Variants in TGIF1 observed in about 807,000 individuals in gnomAD.
TGIF1 encodes homeobox protein TGIF1.
In TGIF1, 4 loss-of-function variants were observed where a neutral mutation model predicts 19.3. The ratio of observed to expected loss-of-function variants is 0.21; its 90% CI spans 0.10 to 0.47. The LOEUF (loss-of-function observed/expected upper bound fraction) is 0.47. TGIF1 is among the 20% of genes least tolerant of loss of function. The probability of loss-of-function intolerance (pLI) is 0.98; values close to 1 mark genes in which losing one functional copy is unlikely to be tolerated. For synonymous variants in TGIF1, 122 were observed against 129.3 expected (o/e 0.94, Z 0.38); for missense variants, 275 against 341.4 (o/e 0.81, Z 1.53).
chr18:3,432,601 C>G (rs943797176), intron 2 of TGIF1, among the ~76,000 whole-genome samples: 5 of 152,110 alleles, frequency 3.3e-5, no homozygotes, highest in African/African-American at 1.2e-4. Context: ...AGTTTACTCT[C>G]AAATGATTCA....
At chr18:3,438,424 C>CA (rs2082640847) in intron 2 of TGIF1, among the ~76,000 whole-genome samples, 1 of 151,942 alleles carries the variant, frequency 6.6e-6, no homozygotes, top group Admixed American at 6.6e-5. Context: ...AATTCTCCTA[C>CA]TTTTTTCAAA....
At chr18:3,449,822 CT>C, upstream of TGIF1, 1 of 985,614 alleles carries the variant, frequency 1.0e-6, no homozygotes, top group East Asian at 1.1e-4. Flanking sequence ...GGGAGGTGTC[CT>C]TTTTTCCATC....
rs567121331 is a variant in TGIF1, at chr18:3,430,567, A to G, written c.-45+12352A>G. Among the ~76,000 whole-genome samples the G allele has an allele frequency of 1.8e-3, 269 of 151,972 alleles. 2 individuals are homozygous for G. Among genetic ancestry groups the G allele is most frequent in the Non-Finnish European group, 2.3e-3 (153 of 67,990 alleles). ...ACCCAGGCTGGGGTGCAGTGGTGTG[A>G]TATTAGTTCACTGCAGCCTCCACCT... is the stretch of plus-strand genomic sequence containing the variant. On this transcript the variant is annotated intron_variant, in intron 2 of 3. Transcript: ENST00000401449.
At chr18:3,432,123 C>CAAAA (rs751364681) in intron 2 of TGIF1, among the ~76,000 whole-genome samples, 15 of 97,982 alleles carry the variant, frequency 1.5e-4, no homozygotes, top group African/African-American at 4.5e-4. Flanking sequence ...ACAAAACTGT[C>CAAAA]AAAAAAAAAA....
intron 2 of TGIF1, among the ~76,000 whole-genome samples, chr18:3,440,278 G>T (rs1338456708): frequency 2.0e-5 from 3 of 151,730 alleles, no homozygotes; most frequent in Non-Finnish European, 4.4e-5. Flanking sequence ...TTGAACCTGG[G>T]AGGCAGAGGT....
At chr18:3,454,395 A>C (rs1376462236) in intron 1 of TGIF1, among the ~76,000 whole-genome samples, 3 of 152,142 alleles carry the variant, frequency 2.0e-5, no homozygotes, top group East Asian at 3.9e-4. Context: ...AAAAGGAAGG[A>C]GATAATAGCC....
At chr18:3,415,389 G>T (rs1419645073) in intron 1 of TGIF1, 2 of 471,342 alleles carry the variant, frequency 4.2e-6, no homozygotes, top group Non-Finnish European at 8.5e-6. Flanking sequence ...GTGAGATTCA[G>T]TCAGGGACAT....
chr18:3,448,715 G>GTAT, upstream of TGIF1: 1 of 431,892 alleles, frequency 2.3e-6, no homozygotes, highest in Non-Finnish European at 2.8e-6. Flanking sequence ...GGGCGGGGGT[G>GTAT]TCTTTTTTTT....
intron 2 of TGIF1, among the ~76,000 whole-genome samples, chr18:3,432,682 A>G (rs1258334820): frequency 6.6e-6 from 1 of 152,170 alleles, no homozygotes; most frequent in Non-Finnish European, 1.5e-5. Context: ...ATGGAAAATA[A>G]TGGATCAAAT....
At chr18:3,448,445 C>T, upstream of TGIF1, 1 of 993,026 alleles carries the variant, frequency 1.0e-6, no homozygotes, top group South Asian at 4.5e-5. Flanking sequence ...CATCTGCAGC[C>T]AGGTCCGGGA....
At chr18:3,440,989 A>G (rs1199747588) in intron 2 of TGIF1, among the ~76,000 whole-genome samples, 1 of 152,228 alleles carries the variant, frequency 6.6e-6, no homozygotes, top group Non-Finnish European at 1.5e-5. Flanking sequence ...TCTATTAATA[A>G]TCTTTCCATG....
Position 3,457,264 on chromosome 18 carries a change from A to T in TGIF1, c.244-101A>T. ...AGATAAGGCTTTTCATGCTTTCTTT[A>T]ATTCAGAGAGCAAGATCAATTAGGT... On this transcript the variant is annotated intron_variant, in intron 2 of 2. Coordinates refer to ENST00000343820, the MANE Select transcript of TGIF1 (RefSeq NM_003244.4). The surrounding 1 kb of genome is among the most constrained non-coding windows in gnomAD (Gnocchi z 4.9). The T allele has an allele frequency of 3.2e-6, 4 of 1,253,866 alleles. No homozygotes were observed. The highest frequency in any genetic ancestry group is 3.4e-6 in the Non-Finnish European group (3 of 877,968). 77.7% of individuals were successfully genotyped at this position (1,253,866 alleles called of 1,614,324 possible).
chr18:3,457,215 A>G lies in TGIF1; in HGVS notation c.244-150A>G. The stretch of plus-strand genomic sequence containing the variant: ...CTTGCTTTCTTGGCGGAGCTCAGAT[A>G]CCTTGAAATAACATTGTAAATTCAG... On this transcript the variant is annotated intron_variant, in intron 2 of 2. Transcript: ENST00000343820. The surrounding 1 kb of genome is among the most constrained non-coding windows in gnomAD (Gnocchi z 4.9). The G allele has an allele frequency of 2.2e-6, 2 of 903,794 alleles. No individual in the cohort carries two copies. The highest frequency in any genetic ancestry group is 3.5e-6 in the Non-Finnish European group (2 of 579,360). The allele number at this position is 903,794 out of a possible 1,614,324, so 56.0% of individuals were successfully genotyped here. A position where few individuals can be genotyped will look rare whatever the true frequency, so the allele number is the denominator to read the frequency against.
chr18:3,442,460 G>A (rs1390851245), intron 2 of TGIF1, among the ~76,000 whole-genome samples: 1 of 151,876 alleles, frequency 6.6e-6, no homozygotes, highest in Non-Finnish European at 1.5e-5. Context: ...TATAATATTA[G>A]TTCACTGCTT....
chr18:3,439,158 T>A (rs4798095), intron 2 of TGIF1, among the ~76,000 whole-genome samples: 1 of 151,674 alleles, frequency 6.6e-6, no homozygotes. Flanking sequence ...AGGGAGAAGG[T>A]GACACTAGAT....
intron 2 of TGIF1, among the ~76,000 whole-genome samples, chr18:3,442,674 C>A (rs1474664962): frequency 6.6e-6 from 1 of 152,030 alleles, no homozygotes; most frequent in African/African-American, 2.4e-5. Context: ...CCCTTGAAAC[C>A]AAGGAGTTCA....
Position 3,422,673 on chromosome 18 carries a change from CTTTTTT to C in TGIF1, c.-45+4488_-45+4493del, listed in dbSNP as rs869116407. Among the ~76,000 whole-genome samples the C allele has an allele frequency of 6.1e-4, 15 of 24,646 alleles. 1 individual carries two copies. The highest frequency in any genetic ancestry group is 4.4e-3 in the Admixed American group (8 of 1,830). 16.2% of individuals were successfully genotyped at this position (24,646 alleles called of 152,430 possible). On this transcript the variant is annotated intron_variant, in intron 2 of 3. Transcript: ENST00000401449. Reference sequence around the variant, plus strand: ...ATGTTAAGTGCCCTATATAGGTGGCCTTTTTTTTTTTTTTTTTTTTTTTTTTTTTTT... The same window carrying C: ...ATGTTAAGTGCCCTATATAGGTGGCCTTTTTTTTTTTTTTTTTTTTTTTTT...
intron 2 of TGIF1, among the ~76,000 whole-genome samples, chr18:3,444,384 T>G (rs1409549729): frequency 6.6e-6 from 1 of 152,086 alleles, no homozygotes. Context: ...GTCACAGGGT[T>G]TGTTGTACAT....
intron 1 of TGIF1, chr18:3,418,128 G>A (rs895356778): frequency 1.3e-5 from 2 of 152,090 alleles, no homozygotes; most frequent in Non-Finnish European, 2.9e-5. Flanking sequence ...CTGATTTTGT[G>A]CTGCTGTTAT....
Sources: gnomAD v4.1 joint callset for allele counts (sites outside exome capture counted in the v4.1 genomes callset) on GRCh38, gnomAD v4.1.1 for gene constraint, Gnocchi (gnomAD v3.1) non-coding constraint, MANE v1.5 for transcripts, NCBI Gene and HGNC (gene_info 2026-07-23, HGNC 2026-07-21) for gene names.